Variants in CADM2 observed in about 807,000 individuals in gnomAD.
CADM2 encodes the protein cell adhesion molecule 2.
A neutral mutation model predicts 49.8 loss-of-function variants in CADM2; 12 were observed. That is an observed-to-expected ratio of 0.24 (90% confidence interval 0.15 to 0.39). The LOEUF is 0.39. Ranked by LOEUF, CADM2 falls within the 10% of genes least tolerant of loss-of-function variation. CADM2 has a pLI of 1.00. For missense variants in CADM2, 378 were observed against 492.3 expected (o/e 0.77, Z 2.20); for synonymous variants, 214 against 175.4 (o/e 1.22, Z -1.74).
chr3:85,805,986 A>G (rs1381722020), intron 3 of CADM2, among the ~76,000 whole-genome samples: 2 of 152,164 alleles, frequency 1.3e-5, no homozygotes, highest in African/African-American at 2.4e-5. Context: ...GGATTTTCAA[A>G]CACAGTCTTC....
chr3:85,029,516 G>A (rs1308345007), intron 1 of CADM2, among the ~76,000 whole-genome samples: 1 of 152,180 alleles, frequency 6.6e-6, no homozygotes, highest in Non-Finnish European at 1.5e-5. Context: ...AAGCAAAAAA[G>A]GGTTTATCTT....
chr3:85,845,526 C>T (rs1411250955), intron 3 of CADM2, among the ~76,000 whole-genome samples: 3 of 152,136 alleles, frequency 2.0e-5, no homozygotes, highest in Non-Finnish European at 4.4e-5. Flanking sequence ...TAAGATTGTT[C>T]ATTCATGAAC....
At chr3:85,148,863 A>C (rs1559689142) in intron 1 of CADM2, among the ~76,000 whole-genome samples, 1 of 152,128 alleles carries the variant, frequency 6.6e-6, no homozygotes, top group Non-Finnish European at 1.5e-5. Flanking sequence ...CTTTATGTTG[A>C]GTAGGCTGAG....
chr3:85,554,154 T>C (rs1190596673), intron 1 of CADM2, among the ~76,000 whole-genome samples: 2 of 151,818 alleles, frequency 1.3e-5, no homozygotes, highest in Non-Finnish European at 2.9e-5. Context: ...GCGGGAGGTG[T>C]TTTGAGGATG....
At chr3:85,568,194 G>A (rs1018344844) in intron 1 of CADM2, among the ~76,000 whole-genome samples, 1 of 152,156 alleles carries the variant, frequency 6.6e-6, no homozygotes, top group Non-Finnish European at 1.5e-5. Flanking sequence ...CAGAACCTGC[G>A]TTCTTAGAGT....
At chr3:85,972,222 G>A (rs1016826141) in intron 8 of CADM2, among the ~76,000 whole-genome samples, 1 of 151,706 alleles carries the variant, frequency 6.6e-6, no homozygotes, top group East Asian at 2.0e-4. Context: ...ACAGGCAAAA[G>A]CAAATAAAGT....
At position 85,046,185 on chromosome 3, in the gene CADM2, C is replaced by T. The variant is rs1056383377; in HGVS notation, c.61+86517C>T. Among the ~76,000 whole-genome samples, 49 of 152,124 alleles carry T rather than the reference C, an allele frequency of 3.2e-4. 1 individual carries two copies. The highest frequency in any genetic ancestry group is 8.3e-4 in the South Asian group (4 of 4,816). Reference sequence around the variant, plus strand: ...TCATAAGTCATACTCATTCAATCGGCCTCTGGTGATGATTTGTTTAAAATA... The same window carrying T: ...TCATAAGTCATACTCATTCAATCGGTCTCTGGTGATGATTTGTTTAAAATA... On this transcript the variant is annotated intron_variant, in intron 1 of 9. Transcript: ENST00000383699.
chr3:85,793,053 T>G (rs985179002), intron 2 of CADM2, among the ~76,000 whole-genome samples: 4 of 152,116 alleles, frequency 2.6e-5, no homozygotes, highest in Non-Finnish European at 5.9e-5. Flanking sequence ...TCAGTTCACT[T>G]GATTCTGAAC....
intron 1 of CADM2, among the ~76,000 whole-genome samples, chr3:85,083,401 G>A: frequency 6.6e-6 from 1 of 152,204 alleles, no homozygotes; most frequent in Middle Eastern, 3.4e-3. Context: ...ATGTAACAAA[G>A]TTTACCTTTT....
At chr3:85,095,681 A>C (rs2037768572) in intron 1 of CADM2, among the ~76,000 whole-genome samples, 1 of 152,178 alleles carries the variant, frequency 6.6e-6, no homozygotes, top group Admixed American at 6.6e-5. Context: ...CTTTGGCCCA[A>C]ACATTTTGTT....
At chr3:85,359,547 C>T (rs2032153690) in intron 1 of CADM2, among the ~76,000 whole-genome samples, 1 of 146,926 alleles carries the variant, frequency 6.8e-6, no homozygotes, top group East Asian at 2.1e-4. Context: ...CTAAGGCAAC[C>T]CTGAAGTGAT....
intron 8 of CADM2, among the ~76,000 whole-genome samples, chr3:86,000,572 A>T (rs1220142530): frequency 6.6e-6 from 1 of 152,046 alleles, no homozygotes; most frequent in Non-Finnish European, 1.5e-5. Flanking sequence ...TATTTGCTAG[A>T]TATGAGGGAC....
At chr3:85,318,603 G>A (rs954383026) in intron 1 of CADM2, among the ~76,000 whole-genome samples, 1 of 152,116 alleles carries the variant, frequency 6.6e-6, no homozygotes, top group African/African-American at 2.4e-5. Flanking sequence ...AAGGACAAAA[G>A]ATAACATAGT....
At chr3:85,838,567 T>C (rs559962287) in intron 3 of CADM2, among the ~76,000 whole-genome samples, 1 of 151,846 alleles carries the variant, frequency 6.6e-6, no homozygotes, top group Non-Finnish European at 1.5e-5. Context: ...ATATACTTTT[T>C]TGGAGGAGAG....
chr3:85,934,303 T>TA (rs1720941405), intron 6 of CADM2, among the ~76,000 whole-genome samples: 1 of 152,082 alleles, frequency 6.6e-6, no homozygotes, highest in Non-Finnish European at 1.5e-5. Flanking sequence ...CTTTTTCTTT[T>TA]AAAAATGTCC....
chr3:85,028,632 G>A (rs1286813184), intron 1 of CADM2, among the ~76,000 whole-genome samples: 1 of 151,980 alleles, frequency 6.6e-6, no homozygotes, highest in Non-Finnish European at 1.5e-5. Context: ...ATATATTTCA[G>A]TATATACAAG....
At chr3:85,137,783 C>A (rs1381227615) in intron 1 of CADM2, among the ~76,000 whole-genome samples, 2 of 152,004 alleles carry the variant, frequency 1.3e-5, no homozygotes, top group Admixed American at 6.6e-5. Flanking sequence ...GACCTGTAAG[C>A]ATTTGATATG....
At chr3:85,059,431 T>C (rs1173485168) in intron 1 of CADM2, among the ~76,000 whole-genome samples, 1 of 152,172 alleles carries the variant, frequency 6.6e-6, no homozygotes, top group Non-Finnish European at 1.5e-5. Flanking sequence ...TCTCTGTGGA[T>C]ATTTTATTGT....
intron 1 of CADM2, among the ~76,000 whole-genome samples, chr3:85,381,826 G>A (rs1342942978): frequency 6.6e-6 from 1 of 151,874 alleles, no homozygotes; most frequent in Non-Finnish European, 1.5e-5. Flanking sequence ...TCTACCTTTG[G>A]CCTTGTGTTT....
Sources: allele counts gnomAD v4.1 joint callset (sites outside exome capture counted in the v4.1 genomes callset), GRCh38; gene constraint gnomAD v4.1.1; transcripts MANE v1.5; gene names NCBI Gene and HGNC (gene_info 2026-07-23, HGNC 2026-07-21).